DOCK1: variants seen among roughly 807,000 people sequenced by gnomAD.
DOCK1 encodes dedicator of cytokinesis protein 1.
DOCK1 carries 138 observed loss-of-function variants against 262.7 expected under a neutral mutation model. The observed-to-expected ratio is 0.53, with a 90% CI of 0.46 to 0.61. DOCK1 has a LOEUF of 0.61. DOCK1 is among the 20% of genes least tolerant of loss of function. DOCK1 has a pLI of 0.00. For missense variants in DOCK1, 1,908 were observed against 2,370.7 expected, an observed-to-expected ratio of 0.80 and a Z score of 4.05; for synonymous variants, 866 against 867.4, an observed-to-expected ratio of 1.00 and a Z score of 0.03.
At position 127,387,341 on chromosome 10, in the gene DOCK1, G is replaced by T. The variant is rs528414934; in HGVS notation, c.3927+2432G>T. On this transcript the variant is annotated intron_variant, in intron 38 of 51. Coordinates refer to ENST00000623213, the MANE Select transcript of DOCK1 (RefSeq NM_001290223.2). The stretch of plus-strand genomic sequence containing the variant: ...TGCTTGAGTCAGTTTTCCTTTTGCT[G>T]CCTGTACCATTTTGTCACTTGAATT... Among the ~76,000 whole-genome samples the T allele has an allele frequency of 4.6e-5, 7 of 152,308 alleles. No individual in the cohort carries two copies. The East Asian group carries it at 1.4e-3, about 29-fold the overall frequency.
chr10:127,130,338 G>A (rs1039638306), intron 27 of DOCK1, among the ~76,000 whole-genome samples: 15 of 152,012 alleles, frequency 9.9e-5, no homozygotes, highest in Admixed American at 7.2e-4. Context: ...CATCCGCTTC[G>A]GCCTCCCAAA....
At chr10:127,374,422 C>T (rs1055446688) in intron 35 of DOCK1, among the ~76,000 whole-genome samples, 8 of 152,264 alleles carry the variant, frequency 5.3e-5, no homozygotes, top group South Asian at 2.1e-4. Flanking sequence ...CATCTCTGGA[C>T]GTTTTAATGT....
chr10:126,984,261 G>C (rs945583482), intron 4 of DOCK1, among the ~76,000 whole-genome samples: 2 of 152,118 alleles, frequency 1.3e-5, no homozygotes, highest in African/African-American at 4.8e-5. Context: ...AGTAACTAAT[G>C]AGAATCATCC....
rs560202632 is a variant in DOCK1, at chr10:127,166,670, G to A, written c.2847+38906G>A. Among the ~76,000 whole-genome samples the A allele has an allele frequency of 3.9e-5, 6 of 152,296 alleles. No individual in the cohort carries two copies. In the East Asian group the frequency reaches 5.8e-4, roughly 15 times the overall value. On this transcript the variant is annotated intron_variant, in intron 27 of 51. Transcript: ENST00000623213. ...ATGGGGATTCTCATTTCACTAGAACGCTCCCTCAGCTCCAGTGGGAAATAG... is the reference window on the plus strand; with the variant it reads ...ATGGGGATTCTCATTTCACTAGAACACTCCCTCAGCTCCAGTGGGAAATAG...
At chr10:127,075,977 T>C (rs1037918975) in intron 23 of DOCK1, among the ~76,000 whole-genome samples, 1 of 152,334 alleles carries the variant, frequency 6.6e-6, no homozygotes, top group Non-Finnish European at 1.5e-5. Flanking sequence ...GTGGGTCTTA[T>C]GTGTGTTTTT....
At position 127,451,560 on chromosome 10, in the gene DOCK1, A is replaced by G; in HGVS notation, c.*133A>G. ...CATTTCGTGCGACTGCTTTTTCTTC[A>G]AAGGAGTTCAGTTCTCACCATGGAG... On this transcript the variant is annotated 3_prime_UTR_variant, in exon 52 of 52. Coordinates refer to ENST00000623213, the MANE Select transcript of DOCK1 (RefSeq NM_001290223.2). 7.3e-6 allele frequency: 11 copies of G among 1,507,412 alleles called. No individual in the cohort carries two copies. Among genetic ancestry groups the G allele is most frequent in the Non-Finnish European group, 9.7e-6 (11 of 1,128,508 alleles). 93.4% of individuals were successfully genotyped at this position (1,507,412 alleles called of 1,614,324 possible).
rs1341338970 is a variant in DOCK1, at chr10:127,452,060, T to A, written c.*633T>A. 1 of 152,666 alleles carries A rather than the reference T, an allele frequency of 6.6e-6. No individual in the cohort carries two copies. The highest frequency in any genetic ancestry group is 1.5e-5 in the Non-Finnish European group (1 of 68,080). The allele number at this position is 152,666 out of a possible 1,614,324, so 9.5% of individuals were successfully genotyped here. A position where few individuals can be genotyped will look rare whatever the true frequency, so the allele number is the denominator to read the frequency against. ...TGGAAACAGCATTAAGAATACTGAATCAAATGGAAAAACAAATGAATACAG... is the reference window on the plus strand; with the variant it reads ...TGGAAACAGCATTAAGAATACTGAAACAAATGGAAAAACAAATGAATACAG... On this transcript the variant is annotated 3_prime_UTR_variant, in exon 52 of 52. Transcript: ENST00000623213.
chr10:127,424,976 T>C (rs544206939), intron 46 of DOCK1, among the ~76,000 whole-genome samples: 7 of 152,358 alleles, frequency 4.6e-5, no homozygotes, highest in African/African-American at 1.7e-4. Flanking sequence ...GATGCGTTGA[T>C]TCATCTTGAT....
intron 29 of DOCK1, among the ~76,000 whole-genome samples, chr10:127,312,329 G>C (rs943172543): frequency 1.3e-5 from 2 of 152,184 alleles, no homozygotes; most frequent in Non-Finnish European, 2.9e-5. Context: ...GGGCAGCAGA[G>C]CCATGCACTC....
In DOCK1 at chr10:127,153,747, C is replaced by G. The variant is rs1203582665; in HGVS notation, c.2847+25983C>G. On this transcript the variant is annotated intron_variant, in intron 27 of 51. Transcript: ENST00000623213. ...TCAAGTAAGGTCCTTCACTTTTTGTCTGATAGAATCATCCCAGCATGGCCC... is the reference window on the plus strand; with the variant it reads ...TCAAGTAAGGTCCTTCACTTTTTGTGTGATAGAATCATCCCAGCATGGCCC... The G allele has an allele frequency of 5.8e-6, 5 of 854,884 alleles. No individual in the cohort carries two copies. The African/African-American group carries it at 8.5e-5, about 15-fold the overall frequency. 53.0% of individuals were successfully genotyped at this position (854,884 alleles called of 1,614,324 possible). A position where few individuals can be genotyped will look rare whatever the true frequency, so the allele number is the denominator to read the frequency against.
intron 10 of DOCK1, among the ~76,000 whole-genome samples, chr10:127,003,907 T>C (rs112418746): frequency 0.32 from 48,913 of 151,518 alleles, 7,978 homozygotes; most frequent in Non-Finnish European, 0.35. Context: ...TGAGCTAAGA[T>C]TGTGTCACTG....
chr10:126,961,678 CCTTT>C (rs1454395212), intron 1 of DOCK1, among the ~76,000 whole-genome samples: 1 of 152,166 alleles, frequency 6.6e-6, no homozygotes, highest in African/African-American at 2.4e-5. Flanking sequence ...GTCAACATGT[CCTTT>C]CTTTTAAGGC....
rs565895276 is a variant in DOCK1, at chr10:127,175,901, C to A, written c.2847+48137C>A. ...CCAAGGCTGTGGTCTTGTGCACCCG[C>A]CCCGCGCCACATGGCCGGGCCTCCT... is the stretch of plus-strand genomic sequence containing the variant. On this transcript the variant is annotated intron_variant, in intron 27 of 51. Coordinates refer to ENST00000623213, the MANE Select transcript of DOCK1 (RefSeq NM_001290223.2). The surrounding 1 kb of genome is among the most constrained non-coding windows in gnomAD (Gnocchi z 6.3). 4 of 1,614,208 alleles carry A rather than the reference C, an allele frequency of 2.5e-6. No individual in the cohort carries two copies. Among genetic ancestry groups the A allele is most frequent in the East Asian group, 4.5e-5 (2 of 44,866 alleles).
At chr10:126,962,949 T>A (rs2037342117) in intron 1 of DOCK1, among the ~76,000 whole-genome samples, 1 of 152,174 alleles carries the variant, frequency 6.6e-6, no homozygotes, top group Admixed American at 6.5e-5. Context: ...CAAGTGGATA[T>A]CCAGTTTTCC....
intron 27 of DOCK1, among the ~76,000 whole-genome samples, chr10:127,239,166 A>C (rs1339116668): frequency 6.6e-6 from 1 of 152,202 alleles, no homozygotes; most frequent in African/African-American, 2.4e-5. Flanking sequence ...GGCATTTATG[A>C]CTAAAATCAC....
chr10:127,419,888 A>G (rs1405897599), intron 46 of DOCK1, 139 bp downstream of exon 46: 7 of 860,120 alleles, frequency 8.1e-6, no homozygotes, highest in Non-Finnish European at 1.3e-5. Flanking sequence ...CCCTGGGTGA[A>G]CCCACCCACT....
chr10:126,968,416 T>A (rs1306873749), intron 1 of DOCK1, among the ~76,000 whole-genome samples: 1 of 152,200 alleles, frequency 6.6e-6, no homozygotes, highest in Non-Finnish European at 1.5e-5. Flanking sequence ...CTTTTTTTTC[T>A]TACCTACAAA....
At chr10:126,960,110 C>G (rs2037081798) in intron 1 of DOCK1, among the ~76,000 whole-genome samples, 1 of 152,188 alleles carries the variant, frequency 6.6e-6, no homozygotes, top group South Asian at 2.1e-4. Context: ...TAAGTACAAG[C>G]AAAGCCGCAG....
At chr10:127,426,079 C>T in intron 47 of DOCK1, 68 bp downstream of exon 47, 1 of 1,603,258 alleles carries the variant, frequency 6.2e-7, no homozygotes, top group Non-Finnish European at 8.5e-7. Flanking sequence ...TGAACAGGGA[C>T]AAGCTTCCAG....
Sources: allele counts gnomAD v4.1 joint callset (sites outside exome capture counted in the v4.1 genomes callset), GRCh38; gene constraint gnomAD v4.1.1; non-coding constraint Gnocchi (gnomAD v3.1); transcripts MANE v1.5; gene names NCBI Gene and HGNC (gene_info 2026-07-23, HGNC 2026-07-21).